Variants in LRRTM4 observed in about 807,000 individuals in gnomAD.
The protein encoded by LRRTM4 is leucine-rich repeat transmembrane neuronal protein 4.
Under a neutral mutation model 47.6 loss-of-function variants are expected in LRRTM4, and 25 were observed. The ratio of observed to expected loss-of-function variants is 0.53; its 90% CI spans 0.38 to 0.73. The LOEUF (loss-of-function observed/expected upper bound fraction) is 0.73. Ranked by LOEUF, LRRTM4 falls within the 30% of genes least tolerant of loss-of-function variation. The pLI is 0.00. For synonymous variants in LRRTM4, 311 were observed against 269.5 expected (o/e 1.15, Z -1.51); for missense variants, 638 against 713.4 (o/e 0.89, Z 1.20).
intron 3 of LRRTM4, among the ~76,000 whole-genome samples, chr2:77,341,427 G>C (rs1671368799): frequency 1.3e-5 from 2 of 151,870 alleles, no homozygotes; most frequent in African/African-American, 4.8e-5. Flanking sequence ...CTGCTTAAAC[G>C]TTATTCCTTC....
intron 3 of LRRTM4, among the ~76,000 whole-genome samples, chr2:77,228,853 A>C (rs2103966038): frequency 6.6e-6 from 1 of 152,288 alleles, no homozygotes; most frequent in Admixed American, 6.5e-5. Context: ...GAATTACCTT[A>C]GAATAAGTGT....
chr2:76,804,740 T>C (rs1042798678), intron 3 of LRRTM4, among the ~76,000 whole-genome samples: 6 of 143,768 alleles, frequency 4.2e-5, no homozygotes, highest in African/African-American at 1.5e-4. Flanking sequence ...TCATGTTTTA[T>C]ATATATATCA....
At chr2:77,423,596 G>T (rs766585214) in intron 3 of LRRTM4, among the ~76,000 whole-genome samples, 2 of 152,058 alleles carry the variant, frequency 1.3e-5, no homozygotes, top group Admixed American at 6.6e-5. Flanking sequence ...GGTCATGATT[G>T]GTTGCTGAAG....
chr2:77,516,312 T>C (rs1194291611), intron 3 of LRRTM4, among the ~76,000 whole-genome samples: 1 of 151,834 alleles, frequency 6.6e-6, no homozygotes, highest in Non-Finnish European at 1.5e-5. Context: ...AAATGAACCA[T>C]CTTTTAAACT....
At chr2:76,880,698 T>C (rs1375881701) in intron 3 of LRRTM4, among the ~76,000 whole-genome samples, 1 of 152,086 alleles carries the variant, frequency 6.6e-6, no homozygotes. Flanking sequence ...ACTGATTCGA[T>C]CCCTAGGCCC....
At chr2:77,250,897 A>T (rs1288074971) in intron 3 of LRRTM4, among the ~76,000 whole-genome samples, 3 of 152,006 alleles carry the variant, frequency 2.0e-5, no homozygotes, top group Admixed American at 1.3e-4. Flanking sequence ...TGAGGTGGGG[A>T]GTTCGAGACC....
intron 3 of LRRTM4, among the ~76,000 whole-genome samples, chr2:76,844,952 T>C (rs1374911491): frequency 2.6e-5 from 4 of 152,170 alleles, no homozygotes; most frequent in East Asian, 1.9e-4. Flanking sequence ...AGCCTACTCA[T>C]AGGGCCTGTA....
At chr2:77,484,036 G>T (rs1677818029) in intron 3 of LRRTM4, among the ~76,000 whole-genome samples, 1 of 152,136 alleles carries the variant, frequency 6.6e-6, no homozygotes, top group Admixed American at 6.5e-5. Context: ...CATATATGTT[G>T]TTGTGTTACC....
intron 3 of LRRTM4, among the ~76,000 whole-genome samples, chr2:77,453,090 A>G (rs1312371799): frequency 6.6e-6 from 1 of 151,838 alleles, no homozygotes; most frequent in African/African-American, 2.4e-5. Flanking sequence ...TCTAATATCC[A>G]TGTTTTTGTG....
chr2:77,348,571 T>C (rs1364823557), intron 3 of LRRTM4, among the ~76,000 whole-genome samples: 1 of 150,294 alleles, frequency 6.7e-6, no homozygotes, highest in African/African-American at 2.4e-5. Flanking sequence ...AAGTTAAATA[T>C]AATATTTTAA....
chr2:77,242,223 T>G (rs1311351462), intron 3 of LRRTM4, among the ~76,000 whole-genome samples: 4 of 152,162 alleles, frequency 2.6e-5, no homozygotes, highest in African/African-American at 9.6e-5. Context: ...TGTAGATTTC[T>G]TTGGTTAATG....
intron 3 of LRRTM4, among the ~76,000 whole-genome samples, chr2:77,482,082 C>T (rs1001808989): frequency 3.9e-5 from 6 of 151,992 alleles, no homozygotes; most frequent in African/African-American, 7.2e-5. Context: ...GTTATATATT[C>T]GGGTCAATGG....
intron 3 of LRRTM4, among the ~76,000 whole-genome samples, chr2:77,343,992 A>C (rs906340606): frequency 6.6e-6 from 1 of 151,886 alleles, no homozygotes; most frequent in African/African-American, 2.4e-5. Context: ...GAAGGATACG[A>C]TGGCTTTAAA....
At chr2:77,114,936 C>T in intron 3 of LRRTM4, among the ~76,000 whole-genome samples, 1 of 152,090 alleles carries the variant, frequency 6.6e-6, no homozygotes, top group South Asian at 2.1e-4. Flanking sequence ...AACATCTTAA[C>T]AGGAAACAGG....
intron 3 of LRRTM4, among the ~76,000 whole-genome samples, chr2:76,983,503 T>C (rs1676685083): frequency 1.3e-5 from 2 of 152,030 alleles, no homozygotes; most frequent in Admixed American, 6.6e-5. Flanking sequence ...CCTGTCACCA[T>C]GTAAGACATG....
chr2:77,115,112 T>C (rs1671352288), intron 3 of LRRTM4, among the ~76,000 whole-genome samples: 1 of 152,170 alleles, frequency 6.6e-6, no homozygotes. Flanking sequence ...ACCCCAGGAA[T>C]GCATTCCTTC....
At chr2:77,057,184 G>T (rs1191208508) in intron 3 of LRRTM4, among the ~76,000 whole-genome samples, 1 of 152,112 alleles carries the variant, frequency 6.6e-6, no homozygotes, top group Non-Finnish European at 1.5e-5. Context: ...GGTTCAGAAA[G>T]ATTACCAGAC....
At chr2:77,216,087 C>G (rs1674431174) in intron 3 of LRRTM4, among the ~76,000 whole-genome samples, 1 of 139,090 alleles carries the variant, frequency 7.2e-6, no homozygotes. Context: ...GATACATTAA[C>G]TGCCCCCCCA....
chr2:76,783,196 A>G (rs1024436820), intron 3 of LRRTM4, among the ~76,000 whole-genome samples: 2 of 152,150 alleles, frequency 1.3e-5, no homozygotes, highest in African/African-American at 2.4e-5. Flanking sequence ...CCTCACTACC[A>G]TGACTCCTAC....
Sources: allele counts gnomAD v4.1 joint callset (sites outside exome capture counted in the v4.1 genomes callset), GRCh38; gene constraint gnomAD v4.1.1; transcripts MANE v1.5; gene names NCBI Gene and HGNC (gene_info 2026-07-23, HGNC 2026-07-21).